The following NTM variants were observed in gnomAD, a reference collection of about 807,000 sequenced individuals.
NTM encodes the protein neurotrimin, also known as IgLON family member 2.
A neutral mutation model predicts 42.1 loss-of-function variants in NTM; 13 were observed. The ratio of observed to expected loss-of-function variants is 0.31; its 90% confidence interval spans 0.20 to 0.49. The LOEUF is 0.49. Among genes scored for constraint, NTM ranks in the 20% least tolerant of loss-of-function variants. The pLI, the probability that NTM is intolerant of heterozygous loss-of-function variation, is 0.99. For missense variants in NTM, 373 were observed against 452.8 expected, an observed-to-expected ratio of 0.82 and a Z score of 1.60; for synonymous variants, 187 against 179.2, an observed-to-expected ratio of 1.04 and a Z score of -0.35.
chr11:131,394,633 C>G (rs1944356119), intron 1 of NTM, among the ~76,000 whole-genome samples: 1 of 152,180 alleles, frequency 6.6e-6, no homozygotes, highest in Admixed American at 6.5e-5. Flanking sequence ...AGGAGAAAAG[C>G]TGGCATCCTT....
chr11:132,317,733 T>C, intron 7 of NTM: 5 of 1,215,898 alleles, frequency 4.1e-6, no homozygotes, highest in Non-Finnish European at 5.5e-6. Context: ...CCCTTCCCTC[T>C]ATCCCAGAGG....
intron 1 of NTM, among the ~76,000 whole-genome samples, chr11:131,507,199 C>G (rs547657991): frequency 1.3e-5 from 2 of 152,118 alleles, no homozygotes; most frequent in East Asian, 3.9e-4. Context: ...TTGAAATTTG[C>G]TCAGTTTTTA....
chr11:131,616,984 G>C (rs945807440), intron 1 of NTM, among the ~76,000 whole-genome samples: 2 of 152,190 alleles, frequency 1.3e-5, no homozygotes, highest in Non-Finnish European at 2.9e-5. Flanking sequence ...TGCTGGGTTT[G>C]GAATGCAGAC....
intron 1 of NTM, among the ~76,000 whole-genome samples, chr11:131,693,238 G>A (rs1269103578): frequency 6.6e-6 from 1 of 152,140 alleles, no homozygotes; most frequent in African/African-American, 2.4e-5. Context: ...GGCTGATTCA[G>A]GGGATTGCTT....
chr11:131,667,836 C>T (rs116383910), intron 1 of NTM, among the ~76,000 whole-genome samples: 242 of 152,272 alleles, frequency 1.6e-3, no homozygotes, highest in African/African-American at 5.6e-3. Flanking sequence ...CCTGGGCATC[C>T]GCAGGTGTCT....
intron 1 of NTM, among the ~76,000 whole-genome samples, chr11:131,573,289 TCCCTAAGC>T (rs59852083): frequency 0.033 from 5,003 of 152,256 alleles, 244 homozygotes; most frequent in African/African-American, 0.11. Flanking sequence ...TGTCATTGTG[TCCCTAAGC>T]CACAGTTTGC....
chr11:131,682,181 C>G (rs1203742873), intron 1 of NTM, among the ~76,000 whole-genome samples: 1 of 152,302 alleles, frequency 6.6e-6, no homozygotes, highest in Non-Finnish European at 1.5e-5. Flanking sequence ...AGGTCTCACC[C>G]GTTCCTGATC....
chr11:132,039,415 ATTTT>A (rs71475786), intron 2 of NTM, among the ~76,000 whole-genome samples: 2 of 133,242 alleles, frequency 1.5e-5, no homozygotes, highest in Non-Finnish European at 1.6e-5. Flanking sequence ...GCCCCTCATA[ATTTT>A]TTTTTTTTTT....
chr11:131,693,113 G>A (rs955437849), intron 1 of NTM, among the ~76,000 whole-genome samples: 1 of 152,134 alleles, frequency 6.6e-6, no homozygotes, highest in Non-Finnish European at 1.5e-5. Flanking sequence ...GCCTTGCAGG[G>A]AATCACTGTG....
chr11:131,660,985 GA>G (rs745460211), intron 1 of NTM: 12 of 1,294,616 alleles, frequency 9.3e-6, no homozygotes, highest in African/African-American at 4.6e-5. Context: ...TTTTAAAGTG[GA>G]AAAAAAAATG....
chr11:131,677,217 G>C (rs1432129062), intron 1 of NTM, among the ~76,000 whole-genome samples: 1 of 152,192 alleles, frequency 6.6e-6, no homozygotes, highest in Non-Finnish European at 1.5e-5. Flanking sequence ...GGATGCTCAA[G>C]GCCTGAAGTC....
intron 1 of NTM, among the ~76,000 whole-genome samples, chr11:131,782,362 G>A (rs886306531): frequency 2.7e-5 from 4 of 147,110 alleles, no homozygotes; most frequent in Non-Finnish European, 4.5e-5. Flanking sequence ...CATATATAAT[G>A]TTTCCACAAA....
chr11:131,647,322 A>G (rs1174658956), intron 1 of NTM, among the ~76,000 whole-genome samples: 2 of 152,206 alleles, frequency 1.3e-5, no homozygotes, highest in South Asian at 2.1e-4. Flanking sequence ...AGCTGCGCGG[A>G]TGGACATCAA....
intron 3 of NTM, among the ~76,000 whole-genome samples, chr11:132,184,721 T>C (rs2078128239): frequency 6.6e-6 from 1 of 152,214 alleles, no homozygotes; most frequent in South Asian, 2.1e-4. Flanking sequence ...ATTTAGATTA[T>C]TTGTAATTAC....
intron 1 of NTM, among the ~76,000 whole-genome samples, chr11:131,458,573 A>G (rs1951107258): frequency 6.6e-6 from 1 of 152,148 alleles, no homozygotes; most frequent in Non-Finnish European, 1.5e-5. Flanking sequence ...GATTTTCATG[A>G]CGTGTGTTAC....
chr11:131,466,134 C>T (rs569961064), intron 1 of NTM, among the ~76,000 whole-genome samples: 48 of 152,318 alleles, frequency 3.2e-4, no homozygotes, highest in Non-Finnish European at 5.1e-4. Context: ...TCAGAGCCTG[C>T]CCGACCCTGA....
chr11:132,171,638 G>T (rs1217196515), intron 3 of NTM, among the ~76,000 whole-genome samples: 1 of 152,138 alleles, frequency 6.6e-6, no homozygotes, highest in African/African-American at 2.4e-5. Flanking sequence ...TCATTCCATT[G>T]CTTTGTCCTT....
At position 131,929,520 on chromosome 11, in the gene NTM, A is replaced by G. The variant is rs147644113; in HGVS notation, c.167+17872A>G. ...TAAAAACTTTCCGTTTTTTTTGTATACGGCAAAGGCTGTATTTTCTTTGCG... is the reference window on the plus strand; with the variant it reads ...TAAAAACTTTCCGTTTTTTTTGTATGCGGCAAAGGCTGTATTTTCTTTGCG... On this transcript the variant is annotated intron_variant, in intron 2 of 8. Transcript: ENST00000683400. Among the ~76,000 whole-genome samples, 51 of 150,062 alleles carry G rather than the reference A, an allele frequency of 3.4e-4. No homozygotes were observed. The East Asian group carries it at 6.3e-3, about 18-fold the overall frequency.
At chr11:131,454,208 A>G (rs1426618223) in intron 1 of NTM, among the ~76,000 whole-genome samples, 2 of 152,118 alleles carry the variant, frequency 1.3e-5, no homozygotes, top group Non-Finnish European at 2.9e-5. Flanking sequence ...CTATTTTATT[A>G]TGAGTTATTG....
Sources: allele counts gnomAD v4.1 joint callset (sites outside exome capture counted in the v4.1 genomes callset), GRCh38; gene constraint gnomAD v4.1.1; transcripts MANE v1.5; gene names NCBI Gene and HGNC (gene_info 2026-07-23, HGNC 2026-07-21).